Variants in LGR4 observed in about 807,000 individuals in gnomAD.
LGR4 encodes leucine rich repeat containing G protein-coupled receptor 4.
A neutral mutation model predicts 84.8 loss-of-function variants in LGR4; 44 were observed. The ratio of observed to expected loss-of-function variants is 0.52; its 90% CI spans 0.41 to 0.67. The LOEUF is 0.67. Among genes scored for constraint, LGR4 ranks in the 30% least tolerant of loss-of-function variants. The probability of loss-of-function intolerance (pLI) is 0.00; values close to 1 mark genes in which losing one functional copy is unlikely to be tolerated. For synonymous variants in LGR4, 429 were observed against 434.3 expected, an observed-to-expected ratio of 0.99 and a Z score of 0.15; for missense variants, 1,032 against 1,131.4, an observed-to-expected ratio of 0.91 and a Z score of 1.26.
At chr11:27,369,596 A>G (rs956461690) in intron 17 of LGR4, among the ~76,000 whole-genome samples, 5 of 152,190 alleles carry the variant, frequency 3.3e-5, no homozygotes, top group Non-Finnish European at 7.4e-5. Flanking sequence ...CTTGTGGATA[A>G]TAATGCCTGT....
At chr11:27,433,231 G>A (rs1332649767) in intron 1 of LGR4, among the ~76,000 whole-genome samples, 1 of 151,926 alleles carries the variant, frequency 6.6e-6, no homozygotes, top group Admixed American at 6.6e-5. Flanking sequence ...TTATTTTTTT[G>A]AGACGGAGTC....
chr11:27,460,751 GA>G (rs1343586281), intron 1 of LGR4, among the ~76,000 whole-genome samples: 1 of 152,190 alleles, frequency 6.6e-6, no homozygotes, highest in African/African-American at 2.4e-5. Context: ...GGGTAGGAAT[GA>G]AATATTCCAT....
intron 1 of LGR4, among the ~76,000 whole-genome samples, chr11:27,434,066 C>T (rs960433072): frequency 6.6e-6 from 1 of 152,240 alleles, no homozygotes; most frequent in Non-Finnish European, 1.5e-5. Flanking sequence ...ATTAAAACCA[C>T]AGAGCCTTCT....
chr11:27,449,566 A>G (rs1864448330), intron 1 of LGR4, among the ~76,000 whole-genome samples: 1 of 152,006 alleles, frequency 6.6e-6, no homozygotes, highest in Non-Finnish European at 1.5e-5. Flanking sequence ...TGGGCGACAA[A>G]GTGAGATGCT....
intron 1 of LGR4, among the ~76,000 whole-genome samples, chr11:27,418,739 C>A (rs1863867888): frequency 6.6e-6 from 1 of 152,052 alleles, no homozygotes; most frequent in Admixed American, 6.6e-5. Flanking sequence ...GAAAATGTCA[C>A]CTTCAAATCT....
intron 4 of LGR4, among the ~76,000 whole-genome samples, chr11:27,387,157 T>C (rs1450292467): frequency 1.3e-5 from 2 of 152,334 alleles, no homozygotes; most frequent in Admixed American, 6.5e-5. Context: ...AGCTAAATTA[T>C]ACTTGTAGAT....
intron 1 of LGR4, among the ~76,000 whole-genome samples, chr11:27,460,613 G>T (rs761967851): frequency 6.6e-6 from 1 of 152,214 alleles, no homozygotes; most frequent in Non-Finnish European, 1.5e-5. Context: ...AGAATGTAAT[G>T]AGGCTCTGGA....
rs1255730879 is a variant in LGR4, at chr11:27,371,634, G to A, written c.1560C>T (p.Ile520=). Residue 520 remains isoleucine, a synonymous_variant, in exon 17 of 18, where the codon ATC becomes ATT. Coordinates refer to ENST00000379214, the MANE Select transcript of LGR4 (RefSeq NM_018490.5). ...GCATACCTGTTGAAGGTGTACAATG[G>A]ATAATTATTTGACTATGTTCTTCAT... ...LENEEHSQII[I]HCTPSTGAFK... 1.2e-6 allele frequency: 2 copies of A among 1,612,836 alleles called. No homozygotes were observed. The highest frequency in any genetic ancestry group is 1.7e-6 in the Non-Finnish European group (2 of 1,179,126).
chr11:27,447,445 T>C (rs1864411477), intron 1 of LGR4, among the ~76,000 whole-genome samples: 1 of 152,276 alleles, frequency 6.6e-6, no homozygotes, highest in African/African-American at 2.4e-5. Context: ...ACAAATGTCA[T>C]GGCGATGTCC....
intron 1 of LGR4, among the ~76,000 whole-genome samples, chr11:27,432,686 A>AC (rs1258963600): frequency 1.3e-5 from 2 of 151,854 alleles, no homozygotes; most frequent in African/African-American, 2.4e-5. Flanking sequence ...CTTACAGAGG[A>AC]CCCCCCATTG....
intron 1 of LGR4, among the ~76,000 whole-genome samples, chr11:27,431,387 C>T (rs149977770): frequency 0.01 from 1,575 of 152,284 alleles, 24 homozygotes; most frequent in African/African-American, 0.036. Context: ...TGGTCTTCCC[C>T]ACTAGAAAAG....
Position 27,472,313 on chromosome 11 carries a change from G to A in LGR4, c.-11C>T. ...TAGCGGGCCCGGCATTGCTGCGGCCGCCTCCCGCGCCGGCCTCTCCCGCGG... is the reference window on the plus strand; with the variant it reads ...TAGCGGGCCCGGCATTGCTGCGGCCACCTCCCGCGCCGGCCTCTCCCGCGG... On this transcript the variant is annotated 5_prime_UTR_variant, in exon 1 of 18. Coordinates refer to ENST00000379214, the MANE Select transcript of LGR4 (RefSeq NM_018490.5). The A allele has an allele frequency of 2.5e-6, 3 of 1,198,270 alleles. No homozygotes were observed. The highest frequency in any genetic ancestry group is 4.5e-5 in the Admixed American group (1 of 22,386). The allele number at this position is 1,198,270 out of a possible 1,614,324, so 74.2% of individuals were successfully genotyped here.
At chr11:27,375,504 C>T (rs895142432) in intron 13 of LGR4, among the ~76,000 whole-genome samples, 45 of 152,192 alleles carry the variant, frequency 3.0e-4, no homozygotes, top group African/African-American at 1.0e-3. Context: ...CTTATGAACT[C>T]TATTTGTCAT....
intron 1 of LGR4, among the ~76,000 whole-genome samples, chr11:27,446,676 C>T (rs1337499773): frequency 3.9e-5 from 6 of 152,268 alleles, no homozygotes; most frequent in African/African-American, 1.4e-4. Context: ...CCAGCCATCC[C>T]ATTACTGGGT....
At position 27,385,246 on chromosome 11, in the gene LGR4, T is replaced by C. The variant is rs1465639338; in HGVS notation, c.617+7A>G. On this transcript the variant is annotated splice_region_variant and intron_variant, in intron 5 of 17. Coordinates refer to ENST00000379214, the MANE Select transcript of LGR4 (RefSeq NM_018490.5). ...AATATATGGAATTAAAAGGGATAGA[T>C]ACTTACAGAACTACCAGGCTTGAAA... 8.5e-6 allele frequency: 13 copies of C among 1,526,318 alleles called. No homozygotes were observed. Among genetic ancestry groups the C allele is most frequent in the Non-Finnish European group, 1.1e-5 (12 of 1,127,214 alleles). The allele number at this position is 1,526,318 out of a possible 1,614,324, so 94.5% of individuals were successfully genotyped here. A position where few individuals can be genotyped will look rare whatever the true frequency, so the allele number is the denominator to read the frequency against.
intron 17 of LGR4, 124 bp downstream of exon 17, chr11:27,371,491 G>T: frequency 1.7e-6 from 1 of 588,396 alleles, no homozygotes; most frequent in Non-Finnish European, 2.8e-6. Flanking sequence ...AAAATCAGAA[G>T]GCCTCACAGG....
At position 27,405,474 on chromosome 11, in the gene LGR4, G is replaced by A. The variant is rs117781027; in HGVS notation, c.257+7315C>T. ...AAAAGACTCCTAAATCTATACCCAC[G>A]ATACACTATTCTATAATCTATGCCC... On this transcript the variant is annotated intron_variant, in intron 2 of 17. Transcript: ENST00000379214. Among the ~76,000 whole-genome samples, 123 of 152,058 alleles carry A rather than the reference G, an allele frequency of 8.1e-4. 1 individual carries two copies. The East Asian group carries it at 0.019, about 24-fold the overall frequency.
At chr11:27,402,162 C>T (rs1863516969) in intron 2 of LGR4, among the ~76,000 whole-genome samples, 1 of 152,168 alleles carries the variant, frequency 6.6e-6, no homozygotes, top group Non-Finnish European at 1.5e-5. Context: ...TGAGTAAATA[C>T]CAACTGGCCT....
intron 1 of LGR4, among the ~76,000 whole-genome samples, chr11:27,460,662 G>A (rs1452334579): frequency 6.6e-6 from 1 of 152,222 alleles, no homozygotes; most frequent in East Asian, 1.9e-4. Flanking sequence ...CCTGTGGTTT[G>A]TGCACAGATT....
Sources: gnomAD v4.1 joint callset for allele counts (sites outside exome capture counted in the v4.1 genomes callset) on GRCh38, gnomAD v4.1.1 for gene constraint, MANE v1.5 for transcripts, NCBI Gene and HGNC (gene_info 2026-07-23, HGNC 2026-07-21) for gene names.